The following PPP2R5B variants were observed in gnomAD, a reference collection of about 807,000 sequenced individuals.
PPP2R5B encodes the protein protein phosphatase 2 regulatory subunit B'beta.
A neutral mutation model predicts 59.9 loss-of-function variants in PPP2R5B; 19 were observed. The ratio of observed to expected loss-of-function variants is 0.32; its 90% CI spans 0.22 to 0.47. The LOEUF is 0.47. Ranked by LOEUF, PPP2R5B falls within the 20% of genes least tolerant of loss-of-function variation. The pLI is 1.00. For synonymous variants in PPP2R5B, 286 were observed against 260.5 expected (o/e 1.10, Z -0.94); for missense variants, 441 against 640.2 (o/e 0.69, Z 3.36).
upstream of PPP2R5B, among the ~76,000 whole-genome samples, chr11:64,920,351 G>A (rs115397591): frequency 0.02 from 3,069 of 152,262 alleles, 105 homozygotes; most frequent in African/African-American, 0.069. Flanking sequence ...GTGCCTGCAG[G>A]TCCATTCCTG....
chr11:64,930,251 A>G lies in PPP2R5B; in HGVS notation c.723-71A>G, dbSNP rs889838229. ...GCGTGCCGTGCAGGTGAGGGTGGGC[A>G]GGCAGGATGCCTAAGGGGGCACTGG... On this transcript the variant is annotated intron_variant, in intron 6 of 13. Transcript: ENST00000164133. 7.8e-6 allele frequency: 12 copies of G among 1,533,418 alleles called. No individual in the cohort carries two copies. The African/African-American group carries it at 8.2e-5, about 10-fold the overall frequency. 95.0% of individuals were successfully genotyped at this position (1,533,418 alleles called of 1,614,324 possible).
intron 6 of PPP2R5B, among the ~76,000 whole-genome samples, chr11:64,929,587 G>A (rs1945206415): frequency 6.6e-6 from 1 of 152,164 alleles, no homozygotes; most frequent in African/African-American, 2.4e-5. Context: ...TTAGCTGAGT[G>A]TGGTGGTAAA....
chr11:64,931,383 G>A lies in PPP2R5B; in HGVS notation c.892-53G>A, dbSNP rs1458898530. On this transcript the variant is annotated intron_variant, in intron 8 of 13. Transcript: ENST00000164133. The surrounding 1 kb of genome is among the most constrained non-coding windows in gnomAD (Gnocchi z 5.0). ...CTGTCCTGGACAGCAAGTCCTTGGC[G>A]CCTGGTGCCTTCCTGACCTGTCTTC... 70 of 1,586,998 alleles carry A rather than the reference G, an allele frequency of 4.4e-5. No individual in the cohort carries two copies. Among genetic ancestry groups the A allele is most frequent in the South Asian group, 1.2e-4 (11 of 89,856 alleles).
Position 64,931,032 on chromosome 11 carries a change from G to A in PPP2R5B, c.892-404G>A, listed in dbSNP as rs2077505338. On this transcript the variant is annotated intron_variant, in intron 8 of 13. Transcript: ENST00000164133. This position sits in a 1 kb window ranked among gnomAD's most constrained non-coding sequence, Gnocchi z 5.0. ...GGGACCACAGATGTATGTGCCACAT[G>A]CCTGGCTAATTAAAAAAAATTTTTT... 6.6e-6 allele frequency among the ~76,000 whole-genome samples: 1 copy of A among 151,950 alleles called. No individual in the cohort carries two copies. Among genetic ancestry groups the A allele is most frequent in the Admixed American group, 6.6e-5 (1 of 15,258 alleles).
rs1472157766 is a variant in PPP2R5B at position 64,925,613 on chromosome 11, TG to T, written c.-121del. On this transcript the variant is annotated 5_prime_UTR_variant, in exon 2 of 14. Coordinates refer to ENST00000164133, the MANE Select transcript of PPP2R5B (RefSeq NM_006244.4). This position sits in a 1 kb window ranked among gnomAD's most constrained non-coding sequence, Gnocchi z 4.6. ...GGGGGGGGGCCCAGGACTGTGGTTG[TG>T]CCCCCCCCCCAAAGGCCGGACAGGA... The T allele has an allele frequency of 4.5e-5, 24 of 530,738 alleles. 2 individuals are homozygous for T. The highest frequency in any genetic ancestry group is 7.1e-4 in the Middle Eastern group (2 of 2,810). 32.9% of individuals were successfully genotyped at this position (530,738 alleles called of 1,614,324 possible). A position where few individuals can be genotyped will look rare whatever the true frequency, so the allele number is the denominator to read the frequency against.
intron 13 of PPP2R5B, 54 bp from the exon 14 acceptor site, chr11:64,933,643 G>A: frequency 1.3e-6 from 2 of 1,523,172 alleles, no homozygotes; most frequent in Admixed American, 2.2e-5. Context: ...CTGTGAGGGA[G>A]TCTGGACTGT....
At chr11:64,923,319 C>A (rs1231031144), upstream of PPP2R5B, among the ~76,000 whole-genome samples, 1 of 152,208 alleles carries the variant, frequency 6.6e-6, no homozygotes, top group South Asian at 2.1e-4. Context: ...GCCTTGGGGT[C>A]CTTGCCTGGC....
intron 11 of PPP2R5B, 35 bp from the exon 12 acceptor site, chr11:64,932,730 G>T (rs775696658): frequency 3.8e-5 from 61 of 1,607,652 alleles, no homozygotes; most frequent in Non-Finnish European, 4.9e-5. Context: ...AGAAGCCACT[G>T]CCAGTTAATC....
chr11:64,920,780 C>T (rs1463228151), upstream of PPP2R5B, among the ~76,000 whole-genome samples: 2 of 151,548 alleles, frequency 1.3e-5, no homozygotes, highest in Non-Finnish European at 2.9e-5. Context: ...CAGGCGTGCA[C>T]CACCACGCCT....
chr11:64,926,898 T>C lies in PPP2R5B; in HGVS notation c.386T>C (p.Ile129Thr). The C allele has an allele frequency of 1.2e-6, 2 of 1,613,766 alleles. No individual in the cohort carries two copies. The highest frequency in any genetic ancestry group is 4.5e-5 in the East Asian group (2 of 44,870). Residue 129 changes from isoleucine to threonine, a missense_variant, in exon 3 of 14, where the codon ATC becomes ACC. Ile to Thr is a moderately conservative substitution (Grantham distance 89, BLOSUM62 -1). This residue lies in a region of PPP2R5B where 268 missense variants were observed against 488.1 expected (regional missense o/e 0.55). Transcript: ENST00000164133. ...CTCATCGAGCCCGTCTACCCAGACA[T>C]CATCCGCATGGTGAGCACCTGCCAC... ...GVLIEPVYPD[I>T]IRMISVNIFR...
chr11:64,930,605 G>T lies in PPP2R5B; in HGVS notation c.891+16G>T. 6.2e-7 allele frequency: 1 copy of T among 1,605,268 alleles called. No homozygotes were observed. Among genetic ancestry groups the T allele is most frequent in the Non-Finnish European group, 8.5e-7 (1 of 1,171,988 alleles). On this transcript the variant is annotated intron_variant, in intron 8 of 13. Coordinates refer to ENST00000164133, the MANE Select transcript of PPP2R5B (RefSeq NM_006244.4). ...CCATGCCCAGGTGAGGCCCAGGCCTGTCCCTGCTGCAGCAGGAGCTCCAGA... is the reference window on the plus strand; with the variant it reads ...CCATGCCCAGGTGAGGCCCAGGCCTTTCCCTGCTGCAGCAGGAGCTCCAGA...
In PPP2R5B at chr11:64,930,533, G is replaced by A; in HGVS notation, c.835G>A (p.Val279Ile). The A allele has an allele frequency of 6.2e-7, 1 of 1,614,160 alleles. No individual in the cohort carries two copies. The highest frequency in any genetic ancestry group is 1.1e-5 in the South Asian group (1 of 91,084). ...PLKTEHKQFL[V>I]RVLIPLHSVK... ...GAAGACGGAGCACAAGCAGTTCCTG[G>A]TTCGCGTCCTGATCCCCCTGCACTC... The change falls in exon 8 of 14, where the codon GTT (valine) becomes ATT (isoleucine). Residue 279 changes from valine to isoleucine, a missense_variant. Physicochemically the swap from Val to Ile is conservative, Grantham distance 29. This residue lies in a region of PPP2R5B where 268 missense variants were observed against 488.1 expected (regional missense o/e 0.55). Coordinates refer to ENST00000164133, the MANE Select transcript of PPP2R5B (RefSeq NM_006244.4).
chr11:64,929,815 A>T (rs1945208662), intron 6 of PPP2R5B, among the ~76,000 whole-genome samples: 1 of 152,218 alleles, frequency 6.6e-6, no homozygotes, highest in Non-Finnish European at 1.5e-5. Flanking sequence ...AGCACTCAGC[A>T]TAGCTCCTGG....
At chr11:64,930,144 G>C (rs770665028) in intron 6 of PPP2R5B, among the ~76,000 whole-genome samples, 178 bp from the exon 7 acceptor site, 3 of 152,040 alleles carry the variant, frequency 2.0e-5, no homozygotes, top group Admixed American at 6.6e-5. Flanking sequence ...ATTTCAGTGT[G>C]GGGGGGCGGG....
chr11:64,923,552 A>G (rs1945128993), upstream of PPP2R5B, among the ~76,000 whole-genome samples: 1 of 152,152 alleles, frequency 6.6e-6, no homozygotes, highest in Non-Finnish European at 1.5e-5. Flanking sequence ...CCCTCGGTGC[A>G]GGCCTCTGCC....
Position 64,925,772 on chromosome 11 carries a change from G to GCCCCCCCCCC in PPP2R5B, c.42_43insCCCCCCCCCC (p.Ser15ProfsTer78). 4 of 1,560,976 alleles carry GCCCCCCCCCC rather than the reference G, an allele frequency of 2.6e-6. No individual in the cohort carries two copies. Among genetic ancestry groups the GCCCCCCCCCC allele is most frequent in the South Asian group, 2.3e-5 (2 of 88,432 alleles). ...CTGCCCCCTGCAAGCACCCCCACTAGCCCCTCCTCCCCCGGGCTGTCGCCT... is the reference window on the plus strand; with the variant it reads ...CTGCCCCCTGCAAGCACCCCCACTAGCCCCCCCCCCCCCCTCCTCCCCCGGGCTGTCGCCT... On this transcript the variant is annotated frameshift_variant, in exon 2 of 14. Transcript: ENST00000164133. LOFTEE classifies it high-confidence loss of function. The surrounding 1 kb of genome is among the most constrained non-coding windows in gnomAD (Gnocchi z 4.6).
At chr11:64,922,532 T>C (rs1945119252), upstream of PPP2R5B, among the ~76,000 whole-genome samples, 1 of 151,694 alleles carries the variant, frequency 6.6e-6, no homozygotes, top group Non-Finnish European at 1.5e-5. Flanking sequence ...ATCCTCCAAG[T>C]GACACTGTGC....
At position 64,926,864 on chromosome 11, in the gene PPP2R5B, C is replaced by T. The variant is rs910379059; in HGVS notation, c.352C>T (p.Arg118Trp). 3.7e-6 allele frequency: 6 copies of T among 1,614,118 alleles called. No homozygotes were observed. Among genetic ancestry groups the T allele is most frequent in the Admixed American group, 1.7e-5 (1 of 60,026 alleles). The change falls in exon 3 of 14, where the codon CGG becomes TGG. Residue 118 changes from arginine to tryptophan, a missense_variant. Coordinates refer to ENST00000164133, the MANE Select transcript of PPP2R5B (RefSeq NM_006244.4). Reference protein sequence around the residue: ...NELVECVGSTRGVLIEPVYPD... With the variant: ...NELVECVGSTWGVLIEPVYPD... ...GCTGGTGGAGTGTGTGGGGAGCACC[C>T]GGGGTGTCCTCATCGAGCCCGTCTA...
At chr11:64,932,709 T>C in intron 11 of PPP2R5B, 56 bp from the exon 12 acceptor site, 1 of 1,593,462 alleles carries the variant, frequency 6.3e-7, no homozygotes, top group Admixed American at 1.7e-5. Context: ...CACCAGACCT[T>C]GCACACAGAG....
Sources: gnomAD v4.1 joint callset for allele counts (sites outside exome capture counted in the v4.1 genomes callset) on GRCh38, gnomAD v4.1.1 for gene constraint, gnomAD v4.1.1 regional missense constraint, Gnocchi (gnomAD v3.1) non-coding constraint, MANE v1.5 for transcripts, NCBI Gene and HGNC (gene_info 2026-07-23, HGNC 2026-07-21) for gene names.